GABRG3: variants seen among roughly 807,000 people sequenced by gnomAD.
GABRG3 encodes the protein gamma-aminobutyric acid receptor subunit gamma-3.
Under a neutral mutation model 48.8 loss-of-function variants are expected in GABRG3, and 25 were observed. The ratio of observed to expected loss-of-function variants is 0.51; its 90% confidence interval spans 0.37 to 0.72. The LOEUF (loss-of-function observed/expected upper bound fraction) is 0.72, where lower values mean the gene tolerates loss of function less well. Ranked by LOEUF, GABRG3 falls within the 30% of genes least tolerant of loss-of-function variation. The pLI is 0.00. For synonymous variants in GABRG3, 227 were observed against 217.6 expected, an observed-to-expected ratio of 1.04 and a Z score of -0.38; for missense variants, 394 against 577.9, an observed-to-expected ratio of 0.68 and a Z score of 3.26.
intron 3 of GABRG3, among the ~76,000 whole-genome samples, chr15:27,151,687 G>A (rs762716927): frequency 3.3e-5 from 5 of 152,260 alleles, no homozygotes; most frequent in Middle Eastern, 6.8e-3. Context: ...AAGGAAAGCA[G>A]AGGCCAGAGT....
At chr15:27,438,990 C>G (rs979036252) in intron 5 of GABRG3, among the ~76,000 whole-genome samples, 4 of 152,172 alleles carry the variant, frequency 2.6e-5, no homozygotes, top group African/African-American at 9.7e-5. Context: ...TCAGAGTGCA[C>G]ACAGCATTCG....
chr15:27,377,115 A>T (rs1895622380), intron 5 of GABRG3, among the ~76,000 whole-genome samples: 1 of 152,198 alleles, frequency 6.6e-6, no homozygotes, highest in Admixed American at 6.5e-5. Context: ...TCTCTTTGCT[A>T]AAACATAACA....
chr15:27,190,576 C>G (rs1254203011), intron 3 of GABRG3, among the ~76,000 whole-genome samples: 3 of 151,910 alleles, frequency 2.0e-5, no homozygotes, highest in African/African-American at 7.3e-5. Context: ...GGTGATATCC[C>G]CTTTATCATT....
chr15:27,074,642 C>CTT (rs879765295), intron 3 of GABRG3, among the ~76,000 whole-genome samples: 7 of 143,294 alleles, frequency 4.9e-5, no homozygotes, highest in African/African-American at 7.6e-5. Context: ...ATAGCATTTA[C>CTT]TTTTTTTTTT....
chr15:27,303,731 A>G (rs1422095163), intron 3 of GABRG3, among the ~76,000 whole-genome samples: 1 of 151,284 alleles, frequency 6.6e-6, no homozygotes, highest in Non-Finnish European at 1.5e-5. Context: ...ATGTATATCC[A>G]CTATATATAT....
intron 6 of GABRG3, among the ~76,000 whole-genome samples, chr15:27,499,937 G>A (rs896930187): frequency 6.6e-6 from 1 of 152,182 alleles, no homozygotes; most frequent in Non-Finnish European, 1.5e-5. Context: ...GGTGACTCTG[G>A]GCAGCTGGGC....
chr15:27,108,054 G>A (rs1897482038), intron 3 of GABRG3, among the ~76,000 whole-genome samples: 1 of 151,046 alleles, frequency 6.6e-6, no homozygotes. Context: ...TTTCTTTTCA[G>A]TTCCATTGTT....
In GABRG3 at chr15:27,408,067, A is replaced by G. The variant is rs551253994; in HGVS notation, c.575-72583A>G. On this transcript the variant is annotated intron_variant, in intron 5 of 9. Coordinates refer to ENST00000615808, the MANE Select transcript of GABRG3 (RefSeq NM_033223.5). ...GGTAGGGCCTCCATGGGGTATCTCT[A>G]TAACTTTCTCTCAATTTTACTGTGA... Among the ~76,000 whole-genome samples the G allele has an allele frequency of 3.9e-4, 60 of 152,274 alleles. No individual in the cohort carries two copies. The South Asian group carries it at 9.1e-3, about 23-fold the overall frequency.
chr15:27,239,094 G>T (rs1471422041), intron 3 of GABRG3, among the ~76,000 whole-genome samples: 1 of 152,156 alleles, frequency 6.6e-6, no homozygotes, highest in African/African-American at 2.4e-5. Context: ...GGAGGACAAA[G>T]ATTTTTAAAG....
intron 5 of GABRG3, among the ~76,000 whole-genome samples, chr15:27,461,176 T>C (rs1889437165): frequency 6.6e-6 from 1 of 152,216 alleles, no homozygotes; most frequent in African/African-American, 2.4e-5. Context: ...CTGCTGCTGC[T>C]TCCTTATTAA....
intron 5 of GABRG3, among the ~76,000 whole-genome samples, chr15:27,452,734 C>T (rs1473807266): frequency 6.6e-6 from 1 of 152,126 alleles, no homozygotes; most frequent in Admixed American, 6.5e-5. Flanking sequence ...CAGAGACAGA[C>T]TAAAATCCAT....
chr15:27,456,247 T>C (rs774230408), intron 5 of GABRG3, among the ~76,000 whole-genome samples: 3 of 152,196 alleles, frequency 2.0e-5, no homozygotes, highest in African/African-American at 4.8e-5. Flanking sequence ...CCTCAAGTCT[T>C]ACCCCTTCCC....
intron 3 of GABRG3, among the ~76,000 whole-genome samples, chr15:27,058,856 G>A (rs1013830948): frequency 6.6e-6 from 1 of 152,034 alleles, no homozygotes; most frequent in Non-Finnish European, 1.5e-5. Context: ...AACTATCTTT[G>A]TGTTGCTATA....
chr15:27,463,656 T>C (rs184927131), intron 5 of GABRG3, among the ~76,000 whole-genome samples: 1 of 152,282 alleles, frequency 6.6e-6, no homozygotes, highest in Admixed American at 6.5e-5. Context: ...GGGGGTGTGC[T>C]GTGTCCATGT....
At chr15:27,014,746 T>C (rs910422716) in intron 2 of GABRG3, among the ~76,000 whole-genome samples, 2 of 152,168 alleles carry the variant, frequency 1.3e-5, no homozygotes, top group Admixed American at 1.3e-4. Context: ...TATTTTGCTG[T>C]TGTTGGGTGG....
intron 5 of GABRG3, among the ~76,000 whole-genome samples, chr15:27,402,140 G>T (rs1414502604): frequency 2.6e-5 from 4 of 152,284 alleles, no homozygotes; most frequent in Middle Eastern, 3.4e-3. Context: ...ACAATTGAAT[G>T]AATAATATTA....
chr15:27,478,698 A>G (rs1890021273), intron 5 of GABRG3, among the ~76,000 whole-genome samples: 1 of 152,222 alleles, frequency 6.6e-6, no homozygotes, highest in Non-Finnish European at 1.5e-5. Flanking sequence ...CTGTATACAA[A>G]TGCCCATAAC....
intron 5 of GABRG3, among the ~76,000 whole-genome samples, chr15:27,474,305 A>C (rs1349239041): frequency 1.3e-5 from 2 of 152,232 alleles, no homozygotes; most frequent in East Asian, 1.9e-4. Flanking sequence ...AAATATAAAA[A>C]TATCTGAGCA....
intron 5 of GABRG3, among the ~76,000 whole-genome samples, chr15:27,338,817 T>A (rs1894067136): frequency 1.3e-5 from 2 of 152,250 alleles, no homozygotes; most frequent in Non-Finnish European, 2.9e-5. Flanking sequence ...TCTTCCTGTT[T>A]GCAGAGCATA....
Sources: allele counts gnomAD v4.1 joint callset (sites outside exome capture counted in the v4.1 genomes callset), GRCh38; gene constraint gnomAD v4.1.1; transcripts MANE v1.5; gene names NCBI Gene and HGNC (gene_info 2026-07-23, HGNC 2026-07-21).